BMPR1A: variants seen among roughly 807,000 people sequenced by gnomAD.
The protein encoded by BMPR1A is bone morphogenetic protein receptor type 1A.
Under a neutral mutation model 66.0 loss-of-function variants are expected in BMPR1A, and 7 were observed. That is an observed-to-expected ratio of 0.11 (90% CI 0.06 to 0.20). The LOEUF (loss-of-function observed/expected upper bound fraction) is 0.20. Among genes scored for constraint, BMPR1A ranks in the 10% least tolerant of loss-of-function variants. BMPR1A has a pLI of 1.00. For synonymous variants in BMPR1A, 200 were observed against 229.7 expected (o/e 0.87, Z 1.17); for missense variants, 408 against 669.1 (o/e 0.61, Z 4.31).
Position 86,862,990 on chromosome 10 carries a change from T to TC in BMPR1A, c.-152-12877_-152-12876insC, listed in dbSNP as rs1564706482. ...CTATTTGAGCTGCCTTTTTTTTTTT[T>TC]TCCCCCTCTGAGACAGTCTCGCTTT... On this transcript the variant is annotated intron_variant, in intron 2 of 12. Coordinates refer to ENST00000372037, the MANE Select transcript of BMPR1A (RefSeq NM_004329.3). Among the ~76,000 whole-genome samples the TC allele has an allele frequency of 6.9e-3, 1,026 of 148,918 alleles. 10 individuals are homozygous for TC. Among genetic ancestry groups the TC allele is most frequent in the African/African-American group, 0.025 (969 of 38,584 alleles).
At chr10:86,911,792 GAAAA>G (rs950642022) in intron 7 of BMPR1A, among the ~76,000 whole-genome samples, 1 of 146,060 alleles carries the variant, frequency 6.8e-6, no homozygotes, top group African/African-American at 2.5e-5. Context: ...GCAGTTCACA[GAAAA>G]AAAAAAGCTG....
chr10:86,831,088 T>G (rs1224812445), intron 1 of BMPR1A, among the ~76,000 whole-genome samples: 1 of 152,222 alleles, frequency 6.6e-6, no homozygotes, highest in Admixed American at 6.5e-5. Flanking sequence ...TGAATAATGT[T>G]CCACTGCATG....
At chr10:86,806,485 A>G (rs1288479627) in intron 1 of BMPR1A, among the ~76,000 whole-genome samples, 1 of 152,070 alleles carries the variant, frequency 6.6e-6, no homozygotes, top group African/African-American at 2.4e-5. Flanking sequence ...TTATGTATGT[A>G]TTTGATTTAT....
intron 10 of BMPR1A, among the ~76,000 whole-genome samples, chr10:86,919,821 C>T (rs1843636041): frequency 6.6e-6 from 1 of 152,094 alleles, no homozygotes; most frequent in Non-Finnish European, 1.5e-5. Flanking sequence ...AATCCTCCCA[C>T]CTCAGCCTCC....
chr10:86,931,797 T>C (rs1350014831), downstream of BMPR1A: 3 of 152,220 alleles, frequency 2.0e-5, no homozygotes, highest in African/African-American at 4.8e-5. Context: ...TTCTTAGACC[T>C]GGGAAATTTT....
In BMPR1A at chr10:86,923,365, T is replaced by C. The variant is rs7074064; in HGVS notation, c.1343-11T>C. ...CCATTTTTGTGCCCATGTTTTCTCA[T>C]TCCCTTATAGGGATCGTGGAAGAAT... is the stretch of plus-strand genomic sequence containing the variant. On this transcript the variant is annotated splice_polypyrimidine_tract_variant and intron_variant, in intron 11 of 12. Transcript: ENST00000372037. The C allele has an allele frequency of 0.3, 482,213 of 1,613,372 alleles. 83,813 individuals carry two copies. Among genetic ancestry groups the C allele is most frequent in the East Asian group, 0.71 (31,826 of 44,838 alleles).
chr10:86,857,734 C>G (rs1326854810), intron 2 of BMPR1A, among the ~76,000 whole-genome samples: 2 of 147,464 alleles, frequency 1.4e-5, no homozygotes, highest in South Asian at 4.3e-4. Context: ...AGCTGGCTTT[C>G]TCCAGATCTA....
chr10:86,805,717 T>A (rs999072015), intron 1 of BMPR1A, among the ~76,000 whole-genome samples: 8 of 152,134 alleles, frequency 5.3e-5, no homozygotes, highest in Non-Finnish European at 8.8e-5. Flanking sequence ...TGCCTCGGCC[T>A]CCCAAAATGC....
chr10:86,813,646 A>G (rs1211786012), intron 1 of BMPR1A, among the ~76,000 whole-genome samples: 1 of 152,112 alleles, frequency 6.6e-6, no homozygotes, highest in African/African-American at 2.4e-5. Context: ...TGCGCTCTCC[A>G]TTTCCCCCCA....
chr10:86,931,272 T>C (rs1381306252), downstream of BMPR1A: 5 of 88,572 alleles, frequency 5.6e-5, 1 homozygote, highest in African/African-American at 3.4e-4. Context: ...AAAATATATA[T>C]ATATATATAC....
intron 1 of BMPR1A, among the ~76,000 whole-genome samples, chr10:86,770,994 A>C (rs995541656): frequency 6.6e-6 from 1 of 152,168 alleles, no homozygotes; most frequent in African/African-American, 2.4e-5. Flanking sequence ...TTTTCTCCGT[A>C]TGAGGCTGTC....
At chr10:86,799,451 TTTC>T (rs1281487507) in intron 1 of BMPR1A, among the ~76,000 whole-genome samples, 1 of 149,344 alleles carries the variant, frequency 6.7e-6, no homozygotes, top group Non-Finnish European at 1.5e-5. Context: ...AATTGTACAT[TTTC>T]TTTCTTCCTT....
At chr10:86,809,740 C>T (rs574966142) in intron 1 of BMPR1A, among the ~76,000 whole-genome samples, 1 of 151,736 alleles carries the variant, frequency 6.6e-6, no homozygotes, top group Non-Finnish European at 1.5e-5. Flanking sequence ...AGGACGCCTA[C>T]CCGCAAACAG....
chr10:86,812,696 G>A (rs1046849079), intron 1 of BMPR1A, among the ~76,000 whole-genome samples: 4 of 152,078 alleles, frequency 2.6e-5, no homozygotes, highest in African/African-American at 7.2e-5. Flanking sequence ...GAAGAAGTAC[G>A]AAGAGTTCCC....
intron 1 of BMPR1A, among the ~76,000 whole-genome samples, chr10:86,806,183 G>C (rs1841887542): frequency 6.6e-6 from 1 of 152,166 alleles, no homozygotes; most frequent in African/African-American, 2.4e-5. Flanking sequence ...GGTATCAGAA[G>C]CATACTATGT....
At chr10:86,820,465 C>G (rs953400491) in intron 1 of BMPR1A, among the ~76,000 whole-genome samples, 1 of 150,922 alleles carries the variant, frequency 6.6e-6, no homozygotes, top group African/African-American at 2.4e-5. Flanking sequence ...TGTATGACTT[C>G]TTTTCTTCCT....
chr10:86,931,298 C>CACACACACATATATAT, downstream of BMPR1A: 4 of 90,916 alleles, frequency 4.4e-5, no homozygotes, highest in Admixed American at 1.1e-4. Context: ...CACACACACA[C>CACACACACATATATAT]ATATATATAT....
chr10:86,878,667 AACGGGGAAAG>A (rs779339066), intron 3 of BMPR1A, among the ~76,000 whole-genome samples: 15 of 152,210 alleles, frequency 9.9e-5, no homozygotes, highest in Non-Finnish European at 1.6e-4. Context: ...AGGCAGGTAA[AACGGGGAAAG>A]GGTCAGCACT....
chr10:86,820,453 AC>A (rs1356981842), intron 1 of BMPR1A, among the ~76,000 whole-genome samples: 2 of 151,184 alleles, frequency 1.3e-5, no homozygotes, highest in Non-Finnish European at 2.9e-5. Flanking sequence ...CTCAAAGATC[AC>A]TGTATGACTT....
Sources: gnomAD v4.1 joint callset for allele counts (sites outside exome capture counted in the v4.1 genomes callset) on GRCh38, gnomAD v4.1.1 for gene constraint, MANE v1.5 for transcripts, NCBI Gene and HGNC (gene_info 2026-07-23, HGNC 2026-07-21) for gene names.